Variants in PLCZ1 observed in about 807,000 individuals in gnomAD.
PLCZ1 encodes phospholipase C zeta 1.
PLCZ1 carries 64 observed loss-of-function variants against 76.8 expected under a neutral mutation model. The observed-to-expected ratio is 0.83, with a 90% CI of 0.68 to 1.03. The LOEUF is 1.03. Among genes scored for constraint, PLCZ1 ranks in the 50% least tolerant of loss-of-function variants. The probability of loss-of-function intolerance (pLI) is 0.00; values close to 1 mark genes in which losing one functional copy is unlikely to be tolerated. For missense variants in PLCZ1, 751 were observed against 713.7 expected (o/e 1.05, Z -0.60); for synonymous variants, 248 against 230.8 (o/e 1.07, Z -0.68).
intron 4 of PLCZ1, among the ~76,000 whole-genome samples, chr12:18,722,431 G>T (rs1958496623): frequency 6.6e-6 from 1 of 151,960 alleles, no homozygotes; most frequent in South Asian, 2.1e-4. Flanking sequence ...AAATAAGTTT[G>T]GTTTTTTAGA....
At chr12:18,668,007 G>C in the PLCZ1 span, among the ~76,000 whole-genome samples, 1 of 152,066 alleles carries the variant, frequency 6.6e-6, no homozygotes, top group African/African-American at 2.4e-5. Flanking sequence ...TTTACCTAAG[G>C]TCTACCTTTA....
intron 13 of PLCZ1, among the ~76,000 whole-genome samples, chr12:18,687,230 C>T (rs1332653492): frequency 1.3e-5 from 2 of 152,014 alleles, no homozygotes; most frequent in Non-Finnish European, 2.9e-5. Context: ...CAGGGGAGTG[C>T]AAAGGAGGCA....
intron 3 of PLCZ1, among the ~76,000 whole-genome samples, chr12:18,726,795 A>G (rs958623239): frequency 3.9e-5 from 6 of 152,210 alleles, no homozygotes; most frequent in East Asian, 1.9e-4. Flanking sequence ...CACTAAAAAT[A>G]AAGCCTAAGT....
At chr12:18,656,201 G>A in the PLCZ1 span, among the ~76,000 whole-genome samples, 2 of 152,118 alleles carry the variant, frequency 1.3e-5, no homozygotes, top group African/African-American at 2.4e-5. Context: ...AGTTGAGACG[G>A]AAGCATCATT....
intron 6 of PLCZ1, among the ~76,000 whole-genome samples, chr12:18,706,157 G>A (rs999496318): frequency 6.6e-5 from 10 of 151,512 alleles, no homozygotes; most frequent in Non-Finnish European, 1.3e-4. Flanking sequence ...TGCTTGAACC[G>A]GGAGGTGGAG....
intron 3 of PLCZ1, among the ~76,000 whole-genome samples, chr12:18,728,403 T>A (rs903344417): frequency 6.6e-6 from 1 of 152,208 alleles, no homozygotes; most frequent in Admixed American, 6.5e-5. Flanking sequence ...TGGTGCCATT[T>A]ACATGTCTTC....
chr12:18,736,240 T>C lies in PLCZ1; in HGVS notation c.116A>G (p.His39Arg). 6.2e-7 allele frequency: 1 copy of C among 1,612,730 alleles called. No individual in the cohort carries two copies. The highest frequency in any genetic ancestry group is 8.5e-7 in the Non-Finnish European group (1 of 1,179,178). The stretch of plus-strand genomic sequence containing the variant: ...TCTTACCTTAAAAATCTGTTTCACA[T>C]GAATATAACTGCACCGAATATCTAA... ...EKLDIRCSYIHVKQIFKDNDR... is the reference protein window; with the variant it reads ...EKLDIRCSYIRVKQIFKDNDR... Residue 39 changes from histidine to arginine, a missense_variant, in exon 3 of 15, where the codon CAT (histidine) becomes CGT (arginine). Physicochemically the swap from His to Arg is conservative, Grantham distance 29 (BLOSUM62 0). Transcript: ENST00000266505.
rs1952902515 is a variant in PLCZ1, at chr12:18,685,113, T to A, written c.1592-834A>T. ...TATGAAAATGGACTAATACAGTCAG[T>A]CTTATTATGGGAAGAGTTCCATACT... On this transcript the variant is annotated intron_variant, in intron 13 of 14. Transcript: ENST00000266505. Among the ~76,000 whole-genome samples the A allele has an allele frequency of 2.6e-5, 4 of 152,154 alleles. No homozygotes were observed. The South Asian group carries it at 8.3e-4, about 32-fold the overall frequency.
intron 13 of PLCZ1, among the ~76,000 whole-genome samples, chr12:18,685,970 G>A (rs1953086944): frequency 1.3e-5 from 2 of 151,852 alleles, no homozygotes; most frequent in South Asian, 4.1e-4. Flanking sequence ...GATGAAAATA[G>A]TTATCCTAGA....
chr12:18,682,676 C>T (rs1202419120), downstream of PLCZ1, among the ~76,000 whole-genome samples: 1 of 151,926 alleles, frequency 6.6e-6, no homozygotes, highest in Non-Finnish European at 1.5e-5. Context: ...AGTTTGCAGG[C>T]AAATCAATTT....
downstream of PLCZ1, among the ~76,000 whole-genome samples, chr12:18,680,818 G>C (rs1272938897): frequency 2.6e-5 from 4 of 151,936 alleles, no homozygotes; most frequent in Non-Finnish European, 5.9e-5. Flanking sequence ...TGATCTGGGG[G>C]AGATTTCAAA....
chr12:18,676,342 T>A, the PLCZ1 span, among the ~76,000 whole-genome samples: 1 of 152,074 alleles, frequency 6.6e-6, no homozygotes, highest in African/African-American at 2.4e-5. Context: ...ACTTTGTAAC[T>A]GAAAGAATCT....
chr12:18,694,795 G>A, intron 12 of PLCZ1, 115 bp downstream of exon 12: 4 of 871,402 alleles, frequency 4.6e-6, no homozygotes, highest in East Asian at 2.7e-5. Flanking sequence ...TACCTGAAAA[G>A]ATTAACAGAA....
At chr12:18,735,024 A>G (rs916082101) in intron 3 of PLCZ1, among the ~76,000 whole-genome samples, 4 of 152,118 alleles carry the variant, frequency 2.6e-5, no homozygotes, top group Non-Finnish European at 5.9e-5. Flanking sequence ...TGTGATTTTT[A>G]TCTCCATTCT....
chr12:18,684,247 A>G lies in PLCZ1; in HGVS notation c.1624T>C (p.Phe542Leu). Residue 542 changes from phenylalanine (F) to leucine (L), a missense_variant, in exon 14 of 15, where the codon TTT becomes CTT. Phe to Leu is a conservative substitution (Grantham distance 22). Coordinates refer to ENST00000266505, the MANE Select transcript of PLCZ1 (RefSeq NM_033123.4). ...FSPRWNETFTFIIHVPELALI... is the reference protein window; with the variant it reads ...FSPRWNETFTLIIHVPELALI... ...GCCAATTCTGGGACATGAATAATAA[A>G]TGTGAATGTTTCATTCCATCTTGGA... is the stretch of plus-strand genomic sequence containing the variant. 1.2e-6 allele frequency: 2 copies of G among 1,610,394 alleles called. No individual in the cohort carries two copies. Among genetic ancestry groups the G allele is most frequent in the Non-Finnish European group, 1.7e-6 (2 of 1,177,296 alleles).
the PLCZ1 span, among the ~76,000 whole-genome samples, chr12:18,665,177 A>T: frequency 6.6e-5 from 10 of 150,434 alleles, no homozygotes; most frequent in African/African-American, 9.7e-5. Flanking sequence ...AAATAAAAAA[A>T]AATTAAAAAA....
At chr12:18,655,728 C>T in the PLCZ1 span, among the ~76,000 whole-genome samples, 1 of 139,438 alleles carries the variant, frequency 7.2e-6, no homozygotes, top group South Asian at 2.4e-4. Flanking sequence ...CTCCCAAAAA[C>T]TCACAGCCCC....
intron 7 of PLCZ1, among the ~76,000 whole-genome samples, chr12:18,702,829 T>TC (rs1956119002): frequency 6.7e-6 from 1 of 148,328 alleles, no homozygotes; most frequent in Admixed American, 6.7e-5. Context: ...TTTTTTTTTT[T>TC]TTTTTTTTTG....
At chr12:18,653,425 C>CT in the PLCZ1 span, among the ~76,000 whole-genome samples, 1 of 152,168 alleles carries the variant, frequency 6.6e-6, no homozygotes, top group Non-Finnish European at 1.5e-5. Flanking sequence ...ATGCAATGGG[C>CT]TTCTTGGCCA....
Sources: gnomAD v4.1 joint callset for allele counts (sites outside exome capture counted in the v4.1 genomes callset) on GRCh38, gnomAD v4.1.1 for gene constraint, MANE v1.5 for transcripts, NCBI Gene and HGNC (gene_info 2026-07-23, HGNC 2026-07-21) for gene names.